The following ATP9B variants were observed in gnomAD, a reference collection of about 807,000 sequenced individuals.
The protein encoded by ATP9B is probable phospholipid-transporting ATPase IIB.
Under a neutral mutation model 146.1 loss-of-function variants are expected in ATP9B, and 110 were observed. The ratio of observed to expected loss-of-function variants is 0.75; its 90% CI spans 0.65 to 0.88. The LOEUF (loss-of-function observed/expected upper bound fraction) is 0.88. Among genes scored for constraint, ATP9B ranks in the 40% least tolerant of loss-of-function variants. The pLI is 0.00. For synonymous variants in ATP9B, 604 were observed against 569.7 expected (o/e 1.06, Z -0.86); for missense variants, 1,499 against 1,496.4 (o/e 1.00, Z -0.03).
chr18:79,152,524 G>T (rs561528978), intron 6 of ATP9B, among the ~76,000 whole-genome samples: 1 of 152,114 alleles, frequency 6.6e-6, no homozygotes, highest in Non-Finnish European at 1.5e-5. Flanking sequence ...TTCATTTAAG[G>T]TTAGTTTTTT....
chr18:79,176,254 G>A (rs139723312), intron 7 of ATP9B, among the ~76,000 whole-genome samples: 190 of 152,310 alleles, frequency 1.2e-3, no homozygotes, highest in Middle Eastern at 6.8e-3. Context: ...ATTCTGAGAA[G>A]TGGGATGATA....
At chr18:79,375,834 G>A in intron 29 of ATP9B, 1 of 985,398 alleles carries the variant, frequency 1.0e-6, no homozygotes, top group Non-Finnish European at 1.2e-6. Flanking sequence ...ATTTTACAAA[G>A]GCCTCTAACT....
chr18:79,251,248 T>C (rs2096020238), intron 11 of ATP9B, among the ~76,000 whole-genome samples: 1 of 152,260 alleles, frequency 6.6e-6, no homozygotes, highest in Non-Finnish European at 1.5e-5. Flanking sequence ...GCATCCCGTC[T>C]GTGTTGGTCA....
chr18:79,374,275 G>A (rs3786182), intron 28 of ATP9B, 174 bp downstream of exon 28: 128,035 of 598,404 alleles, frequency 0.21, 16,749 homozygotes, highest in East Asian at 0.47. Context: ...GAGCCCCGTC[G>A]GTCACTGGCT....
intron 7 of ATP9B, among the ~76,000 whole-genome samples, chr18:79,162,511 T>A (rs1403686777): frequency 2.0e-5 from 3 of 152,232 alleles, no homozygotes; most frequent in Admixed American, 6.5e-5. Context: ...TTTTCACTTG[T>A]CTCCTAAGTG....
In ATP9B at chr18:79,084,360, T is replaced by A. The variant is rs143805961; in HGVS notation, c.120-12116T>A. 3.6e-3 allele frequency among the ~76,000 whole-genome samples: 543 copies of A among 152,238 alleles called. 2 individuals are homozygous for A. Among genetic ancestry groups the A allele is most frequent in the Non-Finnish European group, 6.4e-3 (438 of 68,012 alleles). On this transcript the variant is annotated intron_variant, in intron 1 of 29. Coordinates refer to ENST00000426216, the MANE Select transcript of ATP9B (RefSeq NM_198531.5). Reference sequence around the variant, plus strand: ...CCATATCTATAGAGTTTTTTCACTGTGGTAAAATATAGGTAACTTAAAATT... The same window carrying A: ...CCATATCTATAGAGTTTTTTCACTGAGGTAAAATATAGGTAACTTAAAATT...
At chr18:79,223,687 G>A (rs896406028) in intron 11 of ATP9B, among the ~76,000 whole-genome samples, 1 of 152,176 alleles carries the variant, frequency 6.6e-6, no homozygotes, top group South Asian at 2.1e-4. Context: ...CATTAGCACA[G>A]CCTTCACTTG....
rs1217463163 is a variant in ATP9B at position 79,377,412 on chromosome 18, C to T, written c.*29C>T. 1.9e-6 allele frequency: 3 copies of T among 1,601,234 alleles called. No homozygotes were observed. Among genetic ancestry groups the T allele is most frequent in the South Asian group, 1.1e-5 (1 of 90,998 alleles). On this transcript the variant is annotated 3_prime_UTR_variant, in exon 30 of 30. Coordinates refer to ENST00000426216, the MANE Select transcript of ATP9B (RefSeq NM_198531.5). The stretch of plus-strand genomic sequence containing the variant: ...GCTGTGCACCCCCAGCGGGCTGGCC[C>T]CAGCACCTTCTGCCCTTCCCAGCAC...
chr18:79,284,158 C>T (rs1490754385), intron 13 of ATP9B, among the ~76,000 whole-genome samples: 3 of 152,150 alleles, frequency 2.0e-5, no homozygotes, highest in East Asian at 1.9e-4. Context: ...GCAAGCATGA[C>T]GTGTGTGCTA....
chr18:79,216,344 G>T (rs778142504), intron 11 of ATP9B, among the ~76,000 whole-genome samples: 2 of 152,180 alleles, frequency 1.3e-5, no homozygotes, highest in East Asian at 3.9e-4. Context: ...TGCTGGGTCT[G>T]TGTCCAGGCC....
At position 79,307,037 on chromosome 18, in the gene ATP9B, G is replaced by A. The variant is rs763090038; in HGVS notation, c.1576G>A (p.Ala526Thr). 6 of 1,614,198 alleles carry A rather than the reference G, an allele frequency of 3.7e-6. No homozygotes were observed. The highest frequency in any genetic ancestry group is 8.5e-7 in the Non-Finnish European group (1 of 1,180,030). ...TACTGGTTCAACTCCACTAAGAAAA[G>A]CCCAATCTTCAGCTCCCAAAGTTAG... ...NNTGSTPLRK[A>T]QSSAPKVRKS... Residue 526 changes from alanine to threonine, a missense_variant, in exon 15 of 30, where the codon GCC (alanine) becomes ACC (threonine). Coordinates refer to ENST00000426216, the MANE Select transcript of ATP9B (RefSeq NM_198531.5).
intron 6 of ATP9B, among the ~76,000 whole-genome samples, chr18:79,150,589 A>G (rs544884250): frequency 2.0e-4 from 31 of 152,328 alleles, no homozygotes; most frequent in African/African-American, 5.8e-4. Context: ...GCAAAAAGAA[A>G]CAAAAAGTGT....
At position 79,117,494 on chromosome 18, in the gene ATP9B, G is replaced by A. The variant is rs79569050; in HGVS notation, c.558+4140G>A. 204 of 152,408 alleles carry A rather than the reference G, an allele frequency of 1.3e-3. 2 individuals carry two copies. The highest frequency in any genetic ancestry group is 4.9e-3 in the African/African-American group (202 of 41,568). The allele number at this position is 152,408 out of a possible 1,614,324, so 9.4% of individuals were successfully genotyped here. ...ACAGTCAGATATGAAACAGGGAAGA[G>A]TGTTGCAGGCAGAGGAGTAATTGCA... On this transcript the variant is annotated intron_variant, in intron 4 of 29. Coordinates refer to ENST00000426216, the MANE Select transcript of ATP9B (RefSeq NM_198531.5).
At chr18:79,305,401 T>G (rs1224493679) in intron 14 of ATP9B, among the ~76,000 whole-genome samples, 1 of 152,224 alleles carries the variant, frequency 6.6e-6, no homozygotes, top group Non-Finnish European at 1.5e-5. Context: ...ATATGGAATG[T>G]TTATCCACAC....
chr18:79,244,798 A>C (rs1239334076), intron 11 of ATP9B, among the ~76,000 whole-genome samples: 2 of 152,250 alleles, frequency 1.3e-5, no homozygotes, highest in African/African-American at 4.8e-5. Flanking sequence ...TATTAGAAAC[A>C]GACTGAGAAA....
At chr18:79,199,482 C>T (rs912827853) in intron 9 of ATP9B, among the ~76,000 whole-genome samples, 1 of 151,984 alleles carries the variant, frequency 6.6e-6, no homozygotes, top group Non-Finnish European at 1.5e-5. Flanking sequence ...AAAGACACAG[C>T]TGGGCGTGGT....
At chr18:79,222,691 G>C (rs2095692025) in intron 11 of ATP9B, among the ~76,000 whole-genome samples, 2 of 152,184 alleles carry the variant, frequency 1.3e-5, no homozygotes, top group Non-Finnish European at 2.9e-5. Context: ...CCGCCTCCTA[G>C]TGCTTATGAC....
intron 11 of ATP9B, among the ~76,000 whole-genome samples, chr18:79,232,934 A>G (rs1451667960): frequency 6.6e-6 from 1 of 152,206 alleles, no homozygotes; most frequent in Non-Finnish European, 1.5e-5. Context: ...CTAAGAAGCA[A>G]GAAGAGTCAA....
intron 1 of ATP9B, among the ~76,000 whole-genome samples, chr18:79,093,181 G>T (rs2074491190): frequency 6.6e-6 from 1 of 152,138 alleles, no homozygotes; most frequent in South Asian, 2.1e-4. Context: ...TCATTATGCA[G>T]CGATTAACTG....
Sources: allele counts gnomAD v4.1 joint callset (sites outside exome capture counted in the v4.1 genomes callset), GRCh38; gene constraint gnomAD v4.1.1; transcripts MANE v1.5; gene names NCBI Gene and HGNC (gene_info 2026-07-23, HGNC 2026-07-21).